The following CHST11 variants were observed in gnomAD, a reference collection of about 807,000 sequenced individuals.
CHST11 encodes the protein C4S-1.
Under a neutral mutation model 30.4 loss-of-function variants are expected in CHST11, and 9 were observed. That is an observed-to-expected ratio of 0.30 (90% CI 0.18 to 0.52). CHST11 has a LOEUF of 0.52. CHST11 is among the 20% of genes least tolerant of loss of function. CHST11 has a pLI of 0.97. For synonymous variants in CHST11, 152 were observed against 187.8 expected (o/e 0.81, Z 1.56); for missense variants, 348 against 460.6 (o/e 0.76, Z 2.24).
In CHST11 at chr12:104,458,067, G is replaced by A. The variant is rs1157336476; in HGVS notation, c.118+538G>A. Among the ~76,000 whole-genome samples, 2 of 151,860 alleles carry A rather than the reference G, an allele frequency of 1.3e-5. No homozygotes were observed. The highest frequency in any genetic ancestry group is 4.8e-5 in the African/African-American group (2 of 41,376). ...TGCGAGTCCCTGCAGCAGGCTGGGA[G>A]CCCGGGACTGGGCTCCCACGTGTCC... On this transcript the variant is annotated intron_variant, in intron 1 of 2. Transcript: ENST00000303694. This position sits in a 1 kb window ranked among gnomAD's most constrained non-coding sequence, Gnocchi z 5.7.
chr12:104,698,010 A>G (rs1566043048), intron 2 of CHST11, among the ~76,000 whole-genome samples: 2 of 152,012 alleles, frequency 1.3e-5, no homozygotes, highest in Non-Finnish European at 2.9e-5. Flanking sequence ...CTCATTACTC[A>G]TCTCTTGCCT....
intron 1 of CHST11, among the ~76,000 whole-genome samples, chr12:104,557,619 T>C (rs1024645210): frequency 4.0e-5 from 6 of 151,594 alleles, no homozygotes; most frequent in African/African-American, 1.5e-4. Flanking sequence ...GGCCTTGCTC[T>C]CAAAGGGAGA....
At chr12:104,680,927 G>C (rs902047540) in intron 2 of CHST11, among the ~76,000 whole-genome samples, 3 of 152,228 alleles carry the variant, frequency 2.0e-5, no homozygotes, top group African/African-American at 7.2e-5. Flanking sequence ...CCACTTAATG[G>C]CTGTGTGGTC....
chr12:104,474,944 T>C (rs1188113147), intron 1 of CHST11, among the ~76,000 whole-genome samples: 1 of 152,222 alleles, frequency 6.6e-6, no homozygotes, highest in East Asian at 1.9e-4. Context: ...GGCTCCTTGC[T>C]TATCTGTTTC....
chr12:104,464,474 A>G (rs752736975), intron 1 of CHST11, among the ~76,000 whole-genome samples: 2 of 151,814 alleles, frequency 1.3e-5, no homozygotes, highest in Non-Finnish European at 2.9e-5. Context: ...TTGACCCCCA[A>G]CTAGACCATC....
chr12:104,722,611 G>A (rs1394255098), intron 2 of CHST11, among the ~76,000 whole-genome samples: 4 of 151,952 alleles, frequency 2.6e-5, no homozygotes, highest in Non-Finnish European at 4.4e-5. Context: ...GGAAGAGGAC[G>A]GGCTATGGTG....
intron 2 of CHST11, among the ~76,000 whole-genome samples, chr12:104,628,233 C>A (rs908107863): frequency 1.3e-5 from 2 of 152,156 alleles, no homozygotes; most frequent in Non-Finnish European, 2.9e-5. Context: ...CCTGCTTAAT[C>A]CCAACGGTCC....
intron 1 of CHST11, among the ~76,000 whole-genome samples, chr12:104,554,708 T>A (rs2038438110): frequency 6.6e-6 from 1 of 152,170 alleles, no homozygotes; most frequent in Non-Finnish European, 1.5e-5. Context: ...GAGATTTCTG[T>A]ATATGATTTT....
intron 2 of CHST11, among the ~76,000 whole-genome samples, chr12:104,696,465 C>A (rs934598967): frequency 2.3e-5 from 3 of 133,108 alleles, no homozygotes; most frequent in Non-Finnish European, 4.7e-5. Flanking sequence ...GGTGAAACCC[C>A]GACTCTGCTA....
intron 2 of CHST11, among the ~76,000 whole-genome samples, chr12:104,608,165 T>G (rs757288524): frequency 3.9e-5 from 6 of 152,056 alleles, no homozygotes; most frequent in Admixed American, 3.3e-4. Flanking sequence ...AAGCCCTGAG[T>G]TGAAGGGTCT....
chr12:104,602,823 T>A (rs1301827268), intron 2 of CHST11, among the ~76,000 whole-genome samples: 1 of 152,184 alleles, frequency 6.6e-6, no homozygotes. Context: ...TTAATACTTC[T>A]TTGGACCAAG....
At chr12:104,658,483 A>G (rs1399726258) in intron 2 of CHST11, among the ~76,000 whole-genome samples, 3 of 152,194 alleles carry the variant, frequency 2.0e-5, no homozygotes, top group African/African-American at 4.8e-5. Context: ...CTATCTCCAA[A>G]TAAGGGTACT....
At chr12:104,564,964 C>A (rs1399431001) in intron 1 of CHST11, among the ~76,000 whole-genome samples, 1 of 152,086 alleles carries the variant, frequency 6.6e-6, no homozygotes, top group East Asian at 1.9e-4. Flanking sequence ...ACAGGAAAAA[C>A]CCACCCCCTT....
intron 2 of CHST11, among the ~76,000 whole-genome samples, chr12:104,666,413 C>G (rs1179522226): frequency 1.3e-5 from 2 of 152,170 alleles, no homozygotes; most frequent in African/African-American, 4.8e-5. Context: ...CGTGGGCAGG[C>G]TTTTGTAGTC....
intron 1 of CHST11, among the ~76,000 whole-genome samples, chr12:104,518,846 G>C (rs1023133157): frequency 3.3e-5 from 5 of 152,040 alleles, no homozygotes; most frequent in African/African-American, 1.2e-4. Flanking sequence ...AACAAAAGAA[G>C]CAATTTACTG....
In CHST11 at chr12:104,516,824, C is replaced by A. The variant is rs186166832; in HGVS notation, c.118+59295C>A. ...GAAGGGGCACATTAGGAGAGCCTAGCAGAAATGTATTTTTGAATTTGTGTG... is the reference window on the plus strand; with the variant it reads ...GAAGGGGCACATTAGGAGAGCCTAGAAGAAATGTATTTTTGAATTTGTGTG... On this transcript the variant is annotated intron_variant, in intron 1 of 2. Coordinates refer to ENST00000303694, the MANE Select transcript of CHST11 (RefSeq NM_018413.6). Among the ~76,000 whole-genome samples, 6 of 151,998 alleles carry A rather than the reference C, an allele frequency of 3.9e-5. No individual in the cohort carries two copies. In the East Asian group the frequency reaches 1.2e-3, roughly 30 times the overall value.
rs1350057231 is a variant in CHST11, at chr12:104,525,102, CTTTCTTTTTTTTT to C, written c.118+67577_118+67589del. 3.3e-5 allele frequency among the ~76,000 whole-genome samples: 4 copies of C among 121,418 alleles called. No individual in the cohort carries two copies. In the East Asian group the frequency reaches 9.0e-4, roughly 27 times the overall value. 79.7% of individuals were successfully genotyped at this position (121,418 alleles called of 152,430 possible). A position where few individuals can be genotyped will look rare whatever the true frequency, so the allele number is the denominator to read the frequency against. On this transcript the variant is annotated intron_variant, in intron 1 of 2. Coordinates refer to ENST00000303694, the MANE Select transcript of CHST11 (RefSeq NM_018413.6). ...ATCCAATGGAATTCTTTCCTTTTTT[CTTTCTTTTTTTTT>C]TTTTTTTAAGAGACAGTCTCAGTTA...
chr12:104,712,654 C>T (rs1339315699), intron 2 of CHST11, among the ~76,000 whole-genome samples: 1 of 152,166 alleles, frequency 6.6e-6, no homozygotes, highest in African/African-American at 2.4e-5. Flanking sequence ...CTCAGAACTA[C>T]CAGCCGAGAG....
intron 2 of CHST11, among the ~76,000 whole-genome samples, chr12:104,675,521 A>G (rs2039732929): frequency 6.6e-6 from 1 of 152,342 alleles, no homozygotes; most frequent in Admixed American, 6.5e-5. Context: ...AACTGAGGCC[A>G]TAAGAAATAA....
Sources: allele counts gnomAD v4.1 joint callset (sites outside exome capture counted in the v4.1 genomes callset), GRCh38; gene constraint gnomAD v4.1.1; non-coding constraint Gnocchi (gnomAD v3.1); transcripts MANE v1.5; gene names NCBI Gene and HGNC (gene_info 2026-07-23, HGNC 2026-07-21).